The following TSBP1 variants were observed in gnomAD, a reference collection of about 807,000 sequenced individuals.
TSBP1 encodes the protein testis expressed basic protein 1, also known as testis-expressed basic protein 1.
In TSBP1, 56 loss-of-function variants were observed where a neutral mutation model predicts 68.8. That is an observed-to-expected ratio of 0.81 (90% CI 0.66 to 1.02). The LOEUF (loss-of-function observed/expected upper bound fraction) is 1.02. TSBP1 is among the 50% of genes least tolerant of loss of function. TSBP1 has a pLI of 0.00. For synonymous variants in TSBP1, 171 were observed against 208.7 expected (o/e 0.82, Z 1.56); for missense variants, 502 against 641.2 (o/e 0.78, Z 2.34).
rs572289321 is a variant in TSBP1 at position 32,313,739 on chromosome 6, C to T, written c.580+2033G>A. Among the ~76,000 whole-genome samples the T allele has an allele frequency of 1.2e-4, 18 of 152,242 alleles. No individual in the cohort carries two copies. The South Asian group carries it at 2.3e-3, about 19-fold the overall frequency. ...ACTTCCTGGGTACACTGCCACTGAA[C>T]CAGATCTCAGCTGTTTTAACTTGGA... is the stretch of plus-strand genomic sequence containing the variant. On this transcript the variant is annotated intron_variant, in intron 19 of 22. Coordinates refer to ENST00000612031, the Ensembl canonical transcript of TSBP1.
At chr6:32,367,050 A>AGT (rs1773821235) in intron 4 of TSBP1, among the ~76,000 whole-genome samples, 2 of 95,938 alleles carry the variant, frequency 2.1e-5, no homozygotes, top group Non-Finnish European at 4.1e-5. Context: ...ATATGCTTGT[A>AGT]GCGTGTGTGT....
intron 22 of TSBP1, 101 bp from the exon 26 acceptor site, chr6:32,294,136 A>T (rs777117883): frequency 2.5e-5 from 36 of 1,433,052 alleles, no homozygotes; most frequent in Non-Finnish European, 3.4e-5. Context: ...CTTAAAACTG[A>T]CAAACTAAAA....
At position 32,304,547 on chromosome 6, in the gene TSBP1, T is replaced by C. The variant is rs1765600584; in HGVS notation, c.581-1918A>G. On this transcript the variant is annotated intron_variant, in intron 19 of 22. Coordinates refer to ENST00000612031, the Ensembl canonical transcript of TSBP1. The surrounding 1 kb of genome is among the most constrained non-coding windows in gnomAD (Gnocchi z 4.8). ...TTTGAATGGCACGTATGATGGGTTA[T>C]ATAAGTGAAGGCCACTTTTTCTAAT... Among the ~76,000 whole-genome samples the C allele has an allele frequency of 6.6e-6, 1 of 152,224 alleles. No homozygotes were observed. The highest frequency in any genetic ancestry group is 2.1e-4 in the South Asian group (1 of 4,830).
At chr6:32,366,237 C>A (rs1479887271) in intron 5 of TSBP1, 36 bp downstream of exon 5, 25 of 1,591,516 alleles carry the variant, frequency 1.6e-5, no homozygotes, top group Non-Finnish European at 2.1e-5. Flanking sequence ...CATAAACAGA[C>A]TCCTATATTA....
At chr6:32,294,650 G>A (rs968513370) in intron 22 of TSBP1, among the ~76,000 whole-genome samples, 1 of 152,146 alleles carries the variant, frequency 6.6e-6, no homozygotes, top group African/African-American at 2.4e-5. Flanking sequence ...TATGAATAAG[G>A]TTATGTAATC....
intron 18 of TSBP1, among the ~76,000 whole-genome samples, chr6:32,319,497 A>T (rs189187719): frequency 6.6e-6 from 1 of 152,172 alleles, no homozygotes; most frequent in African/African-American, 2.4e-5. Context: ...CATGACACCT[A>T]GAATGAAATC....
Position 32,305,828 on chromosome 6 carries a change from A to G in TSBP1, c.581-3199T>C, listed in dbSNP as rs1019708110. Among the ~76,000 whole-genome samples the G allele has an allele frequency of 6.6e-5, 10 of 152,286 alleles. No individual in the cohort carries two copies. In the East Asian group the frequency reaches 1.5e-3, roughly 23 times the overall value. ...ATGTTTTTTAAAGGTCTGTATTGTCAATAAAAACTGGAGGCAAATTGGAAC... is the reference window on the plus strand; with the variant it reads ...ATGTTTTTTAAAGGTCTGTATTGTCGATAAAAACTGGAGGCAAATTGGAAC... On this transcript the variant is annotated intron_variant, in intron 19 of 22. Transcript: ENST00000612031.
At chr6:32,339,768 G>C (rs988008953) in intron 9 of TSBP1, 130 bp from the exon 11 acceptor site, 4 of 498,994 alleles carry the variant, frequency 8.0e-6, no homozygotes, top group African/African-American at 7.7e-5. Context: ...AAAGAGCTGA[G>C]TCCGACTTTT....
intron 9 of TSBP1, 76 bp from the exon 11 acceptor site, chr6:32,339,714 C>T (rs1191272586): frequency 4.7e-6 from 3 of 641,154 alleles, no homozygotes; most frequent in Non-Finnish European, 8.4e-6. Context: ...CAATCCCATT[C>T]CCTCCTCCCC....
rs9281758 is a variant in TSBP1, at chr6:32,367,265, A to AGAGAGAGAG, written c.166+659_166+660insCTCTCTCTC. The stretch of plus-strand genomic sequence containing the variant: ...GGAAAGAGAGAGAGAGAGAGAGAGA[A>AGAGAGAGAG]AGAGAGAGAGAGACAGCCGAGGGAA... On this transcript the variant is annotated intron_variant, in intron 4 of 22. Coordinates refer to ENST00000612031, the Ensembl canonical transcript of TSBP1. 5.0e-3 allele frequency among the ~76,000 whole-genome samples: 590 copies of AGAGAGAGAG among 117,780 alleles called. 12 individuals carry two copies. In the East Asian group the frequency reaches 0.059, roughly 12 times the overall value. 77.3% of individuals were successfully genotyped at this position (117,780 alleles called of 152,430 possible). A position where few individuals can be genotyped will look rare whatever the true frequency, so the allele number is the denominator to read the frequency against.
chr6:32,330,680 ATTTTTT>A, intron 15 of TSBP1, 71 bp from the exon 17 acceptor site: 2 of 1,448,756 alleles, frequency 1.4e-6, no homozygotes, highest in East Asian at 2.5e-5. Flanking sequence ...ACACACTTCT[ATTTTTT>A]GAGACAGAGT....
intron 6 of TSBP1, among the ~76,000 whole-genome samples, chr6:32,362,037 TC>T (rs1196987180): frequency 1.3e-5 from 2 of 152,086 alleles, no homozygotes; most frequent in East Asian, 3.9e-4. Flanking sequence ...AAGCCTGTAA[TC>T]CCAGCACTTT....
chr6:32,313,217 C>A (rs905379505), intron 19 of TSBP1, among the ~76,000 whole-genome samples: 7 of 151,798 alleles, frequency 4.6e-5, no homozygotes, highest in Non-Finnish European at 8.8e-5. Flanking sequence ...TTTCTTTAGT[C>A]TGTTACTCTT....
chr6:32,307,140 GA>G (rs1765847617), intron 19 of TSBP1, among the ~76,000 whole-genome samples: 1 of 151,522 alleles, frequency 6.6e-6, no homozygotes, highest in African/African-American at 2.4e-5. Flanking sequence ...TAATCATCTT[GA>G]GCTCATGTTT....
rs759701467 is a variant in TSBP1, at chr6:32,335,894, ATC to A, written c.451+16_451+17del. 2 of 1,595,972 alleles carry A rather than the reference ATC, an allele frequency of 1.3e-6. No homozygotes were observed. Among genetic ancestry groups the A allele is most frequent in the African/African-American group, 1.3e-5 (1 of 74,772 alleles). On this transcript the variant is annotated intron_variant, in intron 13 of 22. Coordinates refer to ENST00000612031, the Ensembl canonical transcript of TSBP1. This position sits in a 1 kb window ranked among gnomAD's most constrained non-coding sequence, Gnocchi z 5.5. The stretch of plus-strand genomic sequence containing the variant: ...GAAAGTAAAATGCTCACTGTGGAGA[ATC>A]AGAGAGCAAACTTACTGATAGGTCC...
At chr6:32,326,272 G>A in intron 16 of TSBP1, 2 of 779,970 alleles carry the variant, frequency 2.6e-6, no homozygotes, top group Non-Finnish European at 4.3e-6. Flanking sequence ...AAGCACAGTG[G>A]TGGCAGGGCC....
chr6:32,369,373 A>ATTTTTTTTTTTTTTTTTTTTTTTTTT lies in TSBP1; in HGVS notation c.100+523_100+524insAAAAAAAAAAAAAAAAAAAAAAAAAA, dbSNP rs9281761. Among the ~76,000 whole-genome samples, 10 of 127,012 alleles carry ATTTTTTTTTTTTTTTTTTTTTTTTTT rather than the reference A, an allele frequency of 7.9e-5. 1 individual carries two copies. The highest frequency in any genetic ancestry group is 4.6e-4 in the East Asian group (2 of 4,384). The allele number at this position is 127,012 out of a possible 152,430, so 83.3% of individuals were successfully genotyped here. On this transcript the variant is annotated intron_variant, in intron 2 of 22. Transcript: ENST00000612031. ...CTTATTACTTTTGCTAAACTCTGTGATTTTTTTTTTTTTTTGAGATGGAGT... is the reference window on the plus strand; with the variant it reads ...CTTATTACTTTTGCTAAACTCTGTGATTTTTTTTTTTTTTTTTTTTTTTTTTTTTTTTTTTTTTTTTGAGATGGAGT...
chr6:32,327,970 T>TA (rs1768458132), intron 16 of TSBP1, among the ~76,000 whole-genome samples: 3 of 149,856 alleles, frequency 2.0e-5, no homozygotes, highest in Non-Finnish European at 3.0e-5. Flanking sequence ...TATTATTTTT[T>TA]TTTTTTTGTA....
In TSBP1 at chr6:32,361,662, G is replaced by T. The variant is rs1274234991; in HGVS notation, c.217+4505C>A. On this transcript the variant is annotated intron_variant, in intron 6 of 22. Transcript: ENST00000612031. The surrounding 1 kb of genome is among the most constrained non-coding windows in gnomAD (Gnocchi z 4.3). The stretch of plus-strand genomic sequence containing the variant: ...GTATTTTTTCATATGTCTGTTGGCT[G>T]CGTAAATGTCTTCTTTTAAGAATTG... 1.3e-5 allele frequency among the ~76,000 whole-genome samples: 2 copies of T among 152,124 alleles called. No individual in the cohort carries two copies. Among genetic ancestry groups the T allele is most frequent in the African/African-American group, 4.8e-5 (2 of 41,416 alleles).
Sources: gnomAD v4.1 joint callset for allele counts (sites outside exome capture counted in the v4.1 genomes callset) on GRCh38, gnomAD v4.1.1 for gene constraint, Gnocchi (gnomAD v3.1) non-coding constraint, MANE v1.5 for transcripts, NCBI Gene and HGNC (gene_info 2026-07-23, HGNC 2026-07-21) for gene names.